Variants in DCHS2 observed in about 807,000 individuals in gnomAD.
The protein encoded by DCHS2 is protocadherin-23.
In DCHS2, 142 loss-of-function variants were observed where a neutral mutation model predicts 182.4. The observed-to-expected ratio is 0.78, with a 90% CI of 0.68 to 0.89. The LOEUF (loss-of-function observed/expected upper bound fraction) is 0.89. DCHS2 is among the 40% of genes least tolerant of loss of function. The pLI is 0.00. For missense variants in DCHS2, 4,319 were observed against 4,198.6 expected (o/e 1.03, Z -0.79); for synonymous variants, 1,740 against 1,663.3 (o/e 1.05, Z -1.12).
At chr4:154,305,254 A>G (rs1218247361) in intron 10 of DCHS2, 23 bp from the exon 11 acceptor site, 1 of 1,597,860 alleles carries the variant, frequency 6.3e-7, no homozygotes, top group East Asian at 2.2e-5. Flanking sequence ...ATAAAGAAAA[A>G]CTTAGCAATC....
intron 1 of DCHS2, among the ~76,000 whole-genome samples, chr4:154,413,383 C>T (rs1419887437): frequency 6.6e-6 from 1 of 152,160 alleles, no homozygotes; most frequent in Non-Finnish European, 1.5e-5. Flanking sequence ...TATATTGCTA[C>T]TTATATTTTC....
At chr4:154,265,824 C>T (rs6832806) in intron 14 of DCHS2, among the ~76,000 whole-genome samples, 57,936 of 151,802 alleles carry the variant, frequency 0.38, 11,308 homozygotes, top group East Asian at 0.51. Context: ...TTCAAAAATT[C>T]GAAAATTCTA....
intron 3 of DCHS2, among the ~76,000 whole-genome samples, chr4:154,337,438 C>A (rs1229593451): frequency 6.6e-6 from 1 of 152,142 alleles, no homozygotes; most frequent in Non-Finnish European, 1.5e-5. Context: ...TGTGTTAGAC[C>A]AGTCTTCTTG....
intron 13 of DCHS2, among the ~76,000 whole-genome samples, chr4:154,293,066 C>T (rs1734737261): frequency 6.6e-6 from 1 of 152,176 alleles, no homozygotes; most frequent in African/African-American, 2.4e-5. Context: ...AGATTTTCTT[C>T]TCAGCCCTCC....
chr4:154,426,306 G>C (rs186850391), intron 1 of DCHS2, among the ~76,000 whole-genome samples: 55 of 152,286 alleles, frequency 3.6e-4, no homozygotes, highest in African/African-American at 1.3e-3. Flanking sequence ...ACAGTGTAAG[G>C]CTGTAGTGAA....
intron 15 of DCHS2, among the ~76,000 whole-genome samples, chr4:154,258,781 G>A (rs1251656047): frequency 6.6e-6 from 1 of 152,082 alleles, no homozygotes; most frequent in Non-Finnish European, 1.5e-5. Flanking sequence ...ACCTAGCCCA[G>A]AGAAAAAGGG....
chr4:154,314,160 A>G (rs1735765672), intron 10 of DCHS2, among the ~76,000 whole-genome samples: 2 of 152,216 alleles, frequency 1.3e-5, no homozygotes, highest in Admixed American at 1.3e-4. Flanking sequence ...AGCATTTTAC[A>G]TACCTTACTG....
rs745737670 is a variant in DCHS2 at position 154,490,524 on chromosome 4, C to G, written c.832G>C (p.Gly278Arg). ...ACGCGCAGCTCCACGCTCAGGAGGC[C>G]GGTGCGCCGGGGTCGGCCGCCGTCC... The part of the protein sequence containing the change: ...AWDGGRPRRT[G>R]LLSVELRVLD... The change falls in exon 1 of 20, where the codon GGC becomes CGC. Residue 278 changes from glycine (G) to arginine (R), a missense_variant. Transcript: ENST00000357232. The G allele has an allele frequency of 3.8e-5, 59 of 1,536,244 alleles. No individual in the cohort carries two copies. In the Middle Eastern group the frequency reaches 6.7e-4, roughly 17 times the overall value.
chr4:154,316,098 C>A, intron 9 of DCHS2, 111 bp from the exon 10 acceptor site: 1 of 1,476,866 alleles, frequency 6.8e-7, no homozygotes, highest in Non-Finnish European at 9.0e-7. Context: ...GAAGTCTTAA[C>A]TGCTAAAATA....
At chr4:154,318,577 A>C (rs912780509) in intron 9 of DCHS2, among the ~76,000 whole-genome samples, 24 of 152,248 alleles carry the variant, frequency 1.6e-4, no homozygotes, top group African/African-American at 5.8e-4. Context: ...TCTGAAAAGG[A>C]AATTAGAAAA....
At chr4:154,339,225 G>C (rs1382667135) in intron 3 of DCHS2, among the ~76,000 whole-genome samples, 1 of 152,166 alleles carries the variant, frequency 6.6e-6, no homozygotes, top group Non-Finnish European at 1.5e-5. Flanking sequence ...CAAGCTGTTA[G>C]GCAGAGAGCA....
chr4:154,245,678 A>C (rs751234128), intron 16 of DCHS2, among the ~76,000 whole-genome samples: 1 of 152,192 alleles, frequency 6.6e-6, no homozygotes, highest in East Asian at 1.9e-4. Context: ...ATTCTTCTAA[A>C]ATGATATCAA....
rs1420664747 is a variant in DCHS2 at position 154,491,023 on chromosome 4, C to A, written c.333G>T (p.Pro111=). 10 of 1,550,868 alleles carry A rather than the reference C, an allele frequency of 6.4e-6. No individual in the cohort carries two copies. Among genetic ancestry groups the A allele is most frequent in the Non-Finnish European group, 8.7e-6 (10 of 1,146,748 alleles). The change falls in exon 1 of 20, where the codon CCG becomes CCT. Residue 111 remains proline (P), a synonymous_variant. Transcript: ENST00000357232. Reference sequence around the variant, plus strand: ...GGTGCACGTGGAAGTCGTCCAGCAGCGGGGAGTCATCGGAGTCCTCCGACA... The same window carrying A: ...GGTGCACGTGGAAGTCGTCCAGCAGAGGGGAGTCATCGGAGTCCTCCGACA... The part of the protein sequence containing the change: ...FFLSEDSDDS[P]LLDDFHVHPD...
At chr4:154,266,459 A>T (rs1733268193) in intron 14 of DCHS2, among the ~76,000 whole-genome samples, 1 of 152,146 alleles carries the variant, frequency 6.6e-6, no homozygotes, top group South Asian at 2.1e-4. Context: ...GATCGAGACC[A>T]TCCTGGCTAA....
intron 1 of DCHS2, among the ~76,000 whole-genome samples, chr4:154,433,277 A>G (rs1043351969): frequency 1.8e-4 from 28 of 152,058 alleles, no homozygotes; most frequent in Non-Finnish European, 3.7e-4. Context: ...CTTGGAGGAA[A>G]TGAGGAAGAG....
At chr4:154,485,343 A>C (rs973004257) in intron 1 of DCHS2, among the ~76,000 whole-genome samples, 25 of 152,242 alleles carry the variant, frequency 1.6e-4, no homozygotes, top group Non-Finnish European at 3.4e-4. Flanking sequence ...TTCAGAGAGC[A>C]TGAGAGAGGT....
At position 154,232,773 on chromosome 4, in the gene DCHS2, T is replaced by G. The variant is rs898803788; in HGVS notation, c.*1763A>C. 4 of 151,960 alleles carry G rather than the reference T, an allele frequency of 2.6e-5. No homozygotes were observed. The highest frequency in any genetic ancestry group is 2.9e-5 in the Non-Finnish European group (2 of 67,966). 9.4% of individuals were successfully genotyped at this position (151,960 alleles called of 1,614,324 possible). A position where few individuals can be genotyped will look rare whatever the true frequency, so the allele number is the denominator to read the frequency against. The stretch of plus-strand genomic sequence containing the variant: ...AAGTCATGAAATCTTCTTCCCCAGA[T>G]GCCAGGAAGAAAAGGAGAAACATCA... On this transcript the variant is annotated 3_prime_UTR_variant, in exon 20 of 20. Coordinates refer to ENST00000357232, the MANE Select transcript of DCHS2 (RefSeq NM_001358235.2).
intron 1 of DCHS2, among the ~76,000 whole-genome samples, chr4:154,423,055 T>C (rs1733176442): frequency 6.6e-6 from 1 of 152,246 alleles, no homozygotes; most frequent in African/African-American, 2.4e-5. Context: ...ATAAAATATA[T>C]TTATTGTATT....
In DCHS2 at chr4:154,489,371, A is replaced by T. The variant is rs1180479374; in HGVS notation, c.1985T>A (p.Ile662Asn). The T allele has an allele frequency of 1.3e-6, 2 of 1,550,320 alleles. No homozygotes were observed. The highest frequency in any genetic ancestry group is 2.0e-5 in the Admixed American group (1 of 50,924). ...TVDDVNDNEP[I>N]FWRQVYNATI... ...GGCATTGTACACCTGCCTCCAGAAG[A>T]TGGGCTCATTGTCATTCACATCATC... The change falls in exon 1 of 20, where the codon ATC becomes AAC. Residue 662 changes from isoleucine to asparagine, a missense_variant. Ile to Asn is a moderately radical substitution (Grantham distance 149). Transcript: ENST00000357232.
Sources: gnomAD v4.1 joint callset for allele counts (sites outside exome capture counted in the v4.1 genomes callset) on GRCh38, gnomAD v4.1.1 for gene constraint, MANE v1.5 for transcripts, NCBI Gene and HGNC (gene_info 2026-07-23, HGNC 2026-07-21) for gene names.